RENBP: variants seen among roughly 807,000 people sequenced by gnomAD.
The protein encoded by RENBP is renin binding protein.
A neutral mutation model predicts 37.8 loss-of-function variants in RENBP; 16 were observed. The ratio of observed to expected loss-of-function variants is 0.42; its 90% CI spans 0.29 to 0.64. The LOEUF (loss-of-function observed/expected upper bound fraction) is 0.64. RENBP is among the 30% of genes least tolerant of loss of function. The pLI is 0.19. For synonymous variants in RENBP, 170 were observed against 154.8 expected (o/e 1.10, Z -0.73); for missense variants, 347 against 379.5 (o/e 0.91, Z 0.71).
At chrX:153,943,837 C>T in intron 4 of RENBP, 58 bp downstream of exon 4, 3 of 1,165,599 alleles carry the variant, frequency 2.6e-6, no homozygotes, top group South Asian at 3.7e-5. Flanking sequence ...CGCACATGTG[C>T]CCTGTTGAGT....
Position 153,938,794 on chromosome X carries a change from TTG to T in RENBP, c.1077+1306_1077+1307del, listed in dbSNP as rs201011493. On this transcript the variant is annotated intron_variant, in intron 9 of 10. Transcript: ENST00000393700. ...CAGCATCTGTACTGTTTTTTTTTTTTTGTTTTTTTTTTTTTTGAGACCAAGTC... is the reference window on the plus strand; with the variant it reads ...CAGCATCTGTACTGTTTTTTTTTTTTTTTTTTTTTTTTTTGAGACCAAGTC... Among the ~76,000 whole-genome samples the T allele has an allele frequency of 2.1e-4, 19 of 91,371 alleles. 2 individuals are homozygous for T. Among genetic ancestry groups the T allele is most frequent in the South Asian group, 5.6e-4 (1 of 1,788 alleles). 79.3% of individuals were successfully genotyped at this position (91,371 alleles called of 115,157 possible).
chrX:153,936,786 G>C (rs1415848581), intron 9 of RENBP, among the ~76,000 whole-genome samples: 1 of 111,790 alleles, frequency 8.9e-6, no homozygotes, highest in East Asian at 2.8e-4. Flanking sequence ...AGGGAGGCTT[G>C]TCAGTTCAGC....
At position 153,942,847 on chromosome X, in the gene RENBP, TCC is replaced by T. The variant is rs2065233169; in HGVS notation, c.687+6_687+7del. The T allele has an allele frequency of 9.6e-7, 1 of 1,036,756 alleles. No individual in the cohort carries two copies. The highest frequency in any genetic ancestry group is 2.7e-4 in the Middle Eastern group (1 of 3,758). The allele number at this position is 1,036,756 out of a possible 1,213,427, so 85.4% of individuals were successfully genotyped here. On this transcript the variant is annotated splice_donor_region_variant and intron_variant, in intron 6 of 10. Transcript: ENST00000393700. ...TCCCACCACCCCAGCTCCCCAGGCATCCCCCACCTGCACGTGCTGCAGAATCC... is the reference window on the plus strand; with the variant it reads ...TCCCACCACCCCAGCTCCCCAGGCATCCCACCTGCACGTGCTGCAGAATCC...
intron 9 of RENBP, among the ~76,000 whole-genome samples, chrX:153,938,792 T>TG (rs1204660076): frequency 7.6e-5 from 7 of 91,535 alleles, no homozygotes; most frequent in African/African-American, 2.1e-4. Flanking sequence ...GTTTTTTTTT[T>TG]TTTGTTTTTT....
intron 6 of RENBP, 109 bp from the exon 7 acceptor site, chrX:153,942,140 A>T: frequency 1.8e-6 from 1 of 569,193 alleles, no homozygotes; most frequent in Non-Finnish European, 2.9e-6. Context: ...CCTCTTACCC[A>T]AGCCCCTGGA....
chrX:153,942,393 T>C (rs1235436510), intron 6 of RENBP: 1 of 185,771 alleles, frequency 5.4e-6, no homozygotes, highest in Non-Finnish European at 9.8e-6. Flanking sequence ...TGCACCACCA[T>C]GCCCAGCTAA....
At position 153,944,137 on chromosome X, in the gene RENBP, A is replaced by C; in HGVS notation, c.156T>G (p.Leu52=). 2.5e-6 allele frequency: 3 copies of C among 1,210,647 alleles called. No homozygotes were observed. Among genetic ancestry groups the C allele is most frequent in the Non-Finnish European group, 3.4e-6 (3 of 895,012 alleles). Residue 52 remains leucine, a synonymous_variant, in exon 3 of 11, where the codon CTT becomes CTG. Coordinates refer to ENST00000393700, the MANE Select transcript of RENBP (RefSeq NM_002910.6). ...DQEHGGFFTC[L]GREGRVYDDL... ...CATCATACACCCGCCCCTCGCGGCC[A>C]AGGCACGTGAAGAAGCCCCTGTGGG...
At position 153,941,647 on chromosome X, in the gene RENBP, G is replaced by T. The variant is rs782606415; in HGVS notation, c.776C>A (p.Thr259Lys). 2 of 1,081,141 alleles carry T rather than the reference G, an allele frequency of 1.8e-6. No individual in the cohort carries two copies. The highest frequency in any genetic ancestry group is 2.5e-6 in the Non-Finnish European group (2 of 816,061). 89.1% of individuals were successfully genotyped at this position (1,081,141 alleles called of 1,213,427 possible). A position where few individuals can be genotyped will look rare whatever the true frequency, so the allele number is the denominator to read the frequency against. The change falls in exon 8 of 11, where the codon ACG becomes AAG. Residue 259 changes from threonine to lysine, a missense_variant. By Grantham distance (78) the Thr-to-Lys change is moderately conservative. Coordinates refer to ENST00000393700, the MANE Select transcript of RENBP (RefSeq NM_002910.6). ...CLGRQQNPGHTLEAGWFLLRH... is the reference protein window; with the variant it reads ...CLGRQQNPGHKLEAGWFLLRH... ...GAGCAGAAACCAGCCGGCTTCCAGC[G>T]TGTGGCCTGGTGAGGGGTGGAGTAC...
intron 9 of RENBP, chrX:153,935,896 G>A (rs2065198134): frequency 7.4e-6 from 2 of 269,747 alleles, no homozygotes; most frequent in Non-Finnish European, 6.6e-6. Context: ...TTCGGAGGCC[G>A]AGGCGGGCGG....
Position 153,935,330 on chromosome X carries a change from C to CGGGGGG in RENBP, c.1239_1240insCCCCCC (p.Pro413_Ala414insProPro). ...GCGGGGGTGGGGGCGGGGGAGGGGG[C>CGGGGGG]GGGGGCGGGGCGGCTCAGCAGGGCG... On this transcript the variant is annotated inframe_insertion, in exon 11 of 11. Transcript: ENST00000393700. 1.1e-6 allele frequency: 1 copy of CGGGGGG among 885,311 alleles called. No homozygotes were observed. Among genetic ancestry groups the CGGGGGG allele is most frequent in the Non-Finnish European group, 1.5e-6 (1 of 672,678 alleles). The allele number at this position is 885,311 out of a possible 1,213,427, so 73.0% of individuals were successfully genotyped here. A position where few individuals can be genotyped will look rare whatever the true frequency, so the allele number is the denominator to read the frequency against.
chrX:153,938,680 GC>G (rs1367477315), intron 9 of RENBP, among the ~76,000 whole-genome samples: 17 of 110,747 alleles, frequency 1.5e-4, no homozygotes, highest in Non-Finnish European at 7.6e-5. Context: ...GCTTCAGGGA[GC>G]CCCTGGCTTG....
chrX:153,935,481 C>T lies in RENBP; in HGVS notation c.1165+8G>A, dbSNP rs2065195352. On this transcript the variant is annotated splice_region_variant and intron_variant, in intron 10 of 10. Coordinates refer to ENST00000393700, the MANE Select transcript of RENBP (RefSeq NM_002910.6). The stretch of plus-strand genomic sequence containing the variant: ...AACCCCTGCGGCCCCGCCCTCTCCC[C>T]CACTCACCTTTGAAAGGACCTCCCT... 8.3e-7 allele frequency: 1 copy of T among 1,199,607 alleles called. No homozygotes were observed. The highest frequency in any genetic ancestry group is 1.7e-5 in the African/African-American group (1 of 57,260).
intron 9 of RENBP, among the ~76,000 whole-genome samples, chrX:153,938,136 C>A (rs2065211047): frequency 8.9e-6 from 1 of 112,674 alleles, no homozygotes; most frequent in Admixed American, 9.4e-5. Flanking sequence ...TGGCCCCTAA[C>A]ACACACTCTA....
At chrX:153,941,293 C>T (rs1557109468) in intron 8 of RENBP, among the ~76,000 whole-genome samples, 185 bp downstream of exon 8, 1 of 111,499 alleles carries the variant, frequency 9.0e-6, no homozygotes, top group African/African-American at 3.3e-5. Context: ...TGGGCAAGAT[C>T]CAAGAACCCT....
chrX:153,936,375 G>A (rs1370028298), intron 9 of RENBP, among the ~76,000 whole-genome samples: 16 of 103,724 alleles, frequency 1.5e-4, no homozygotes, highest in African/African-American at 5.3e-4. Context: ...GAGTGGTGGC[G>A]GGCACCTGTA....
At position 153,941,950 on chromosome X, in the gene RENBP, C is replaced by CCCCAGGGG; in HGVS notation, c.768_769insCCCCTGGG (p.Gly257ProfsTer29). 1 of 1,130,630 alleles carries CCCCAGGGG rather than the reference C, an allele frequency of 8.8e-7. No individual in the cohort carries two copies. The highest frequency in any genetic ancestry group is 1.2e-6 in the Non-Finnish European group (1 of 823,199). 93.2% of individuals were successfully genotyped at this position (1,130,630 alleles called of 1,213,427 possible). A position where few individuals can be genotyped will look rare whatever the true frequency, so the allele number is the denominator to read the frequency against. On this transcript the variant is annotated frameshift_variant and splice_region_variant, in exon 7 of 11. Transcript: ENST00000393700. LOFTEE classifies it high-confidence loss of function. ...GCCCCCAGCCCACCCCGCCCCTCACCTGGGTTCTGCTGTCTCCCCAGGCAG... is the reference window on the plus strand; with the variant it reads ...GCCCCCAGCCCACCCCGCCCCTCACCCCCAGGGGTGGGTTCTGCTGTCTCCCCAGGCAG...
chrX:153,939,966 C>T, intron 9 of RENBP, 136 bp downstream of exon 9: 2 of 811,916 alleles, frequency 2.5e-6, no homozygotes, highest in Non-Finnish European at 3.5e-6. Context: ...GTTGACTGAA[C>T]GAACAGCACT....
chrX:153,942,009 T>A lies in RENBP; in HGVS notation c.710A>T (p.Glu237Val), dbSNP rs2065229085. Residue 237 changes from glutamate to valine, a missense_variant, in exon 7 of 11, where the codon GAG becomes GTG. Glu to Val is a moderately radical substitution (Grantham distance 121, BLOSUM62 -2). Transcript: ENST00000393700. The stretch of plus-strand genomic sequence containing the variant: ...TTCCTTGCCACCCTCTGACACATTC[T>A]CCAGCACAGCTTGTCCATCCCTCTA... ...HVQRDGQAVL[E>V]NVSEGGKELP... The A allele has an allele frequency of 9.1e-7, 1 of 1,094,164 alleles. No individual in the cohort carries two copies. The highest frequency in any genetic ancestry group is 1.9e-5 in the African/African-American group (1 of 52,125). The allele number at this position is 1,094,164 out of a possible 1,213,427, so 90.2% of individuals were successfully genotyped here. A position where few individuals can be genotyped will look rare whatever the true frequency, so the allele number is the denominator to read the frequency against.
intron 9 of RENBP, among the ~76,000 whole-genome samples, chrX:153,938,804 T>G (rs1210515460): frequency 9.2e-5 from 9 of 97,957 alleles, no homozygotes; most frequent in Non-Finnish European, 1.6e-4. Context: ...TTGTTTTTTT[T>G]TTTTTTGAGA....
Sources: gnomAD v4.1 joint callset for allele counts (sites outside exome capture counted in the v4.1 genomes callset) on GRCh38, gnomAD v4.1.1 for gene constraint, MANE v1.5 for transcripts, NCBI Gene and HGNC (gene_info 2026-07-23, HGNC 2026-07-21) for gene names.